The following UST variants were observed in gnomAD, a reference collection of about 807,000 sequenced individuals.
UST encodes chondroitin sulfate 2-O-sulfotransferase.
A neutral mutation model predicts 45.6 loss-of-function variants in UST; 21 were observed. The ratio of observed to expected loss-of-function variants is 0.46; its 90% CI spans 0.33 to 0.66. The LOEUF (loss-of-function observed/expected upper bound fraction) is 0.66. UST is among the 30% of genes least tolerant of loss of function. The pLI, the probability that UST is intolerant of heterozygous loss-of-function variation, is 0.02. For missense variants in UST, 463 were observed against 512.4 expected (o/e 0.90, Z 0.93); for synonymous variants, 215 against 200.6 (o/e 1.07, Z -0.61).
At chr6:148,969,141 A>G (rs1396175326) in intron 5 of UST, among the ~76,000 whole-genome samples, 1 of 152,208 alleles carries the variant, frequency 6.6e-6, no homozygotes, top group African/African-American at 2.4e-5. Context: ...AAGTATACAT[A>G]TGAAATACCA....
Position 149,006,557 on chromosome 6 carries a change from T to C in UST, c.682-12582T>C, listed in dbSNP as rs571535924. ...TTATGAATAGTGCTGCAGTGAACAT[T>C]TGCATGCATATATCTTTATAGTAAA... On this transcript the variant is annotated intron_variant, in intron 5 of 7. Coordinates refer to ENST00000367463, the MANE Select transcript of UST (RefSeq NM_005715.3). Among the ~76,000 whole-genome samples, 106 of 152,318 alleles carry C rather than the reference T, an allele frequency of 7.0e-4. 1 individual carries two copies. The highest frequency in any genetic ancestry group is 3.4e-3 in the Middle Eastern group (1 of 294).
At chr6:148,867,147 G>A (rs1162265417) in intron 1 of UST, among the ~76,000 whole-genome samples, 1 of 152,088 alleles carries the variant, frequency 6.6e-6, no homozygotes, top group African/African-American at 2.4e-5. Flanking sequence ...ACATTTGCCT[G>A]CTAGTCACAG....
rs145528331 is a variant in UST at position 148,766,702 on chromosome 6, C to T, written c.247+19025C>T. 3.0e-3 allele frequency among the ~76,000 whole-genome samples: 460 copies of T among 152,198 alleles called. 1 individual carries two copies. Among genetic ancestry groups the T allele is most frequent in the African/African-American group, 0.011 (437 of 41,536 alleles). On this transcript the variant is annotated intron_variant, in intron 1 of 7. Coordinates refer to ENST00000367463, the MANE Select transcript of UST (RefSeq NM_005715.3). Reference sequence around the variant, plus strand: ...TGATGCTAGTAGATCAGGAGGTACTCAAGACTGGCTGCATGATAGAATAAC... The same window carrying T: ...TGATGCTAGTAGATCAGGAGGTACTTAAGACTGGCTGCATGATAGAATAAC...
At chr6:148,909,282 G>GT (rs1173840339) in intron 2 of UST, among the ~76,000 whole-genome samples, 2 of 152,152 alleles carry the variant, frequency 1.3e-5, no homozygotes, top group Non-Finnish European at 2.9e-5. Flanking sequence ...GCTAAAGGAT[G>GT]TAATAGGTAG....
intron 2 of UST, among the ~76,000 whole-genome samples, chr6:148,923,787 G>T (rs1291510688): frequency 6.6e-6 from 1 of 152,130 alleles, no homozygotes; most frequent in African/African-American, 2.4e-5. Flanking sequence ...GGGGGCCTTT[G>T]TCCAGGGCAG....
At chr6:149,069,233 G>T (rs1776785726) in intron 7 of UST, among the ~76,000 whole-genome samples, 1 of 152,188 alleles carries the variant, frequency 6.6e-6, no homozygotes, top group Non-Finnish European at 1.5e-5. Context: ...TTGATATGTT[G>T]ATTTCATTTC....
chr6:149,028,688 A>G (rs1419304548), intron 7 of UST, among the ~76,000 whole-genome samples: 3 of 152,218 alleles, frequency 2.0e-5, no homozygotes, highest in African/African-American at 7.2e-5. Context: ...ATATTACTAC[A>G]GTGACATGCT....
At chr6:148,900,527 C>A (rs1779231047) in intron 2 of UST, among the ~76,000 whole-genome samples, 1 of 152,154 alleles carries the variant, frequency 6.6e-6, no homozygotes, top group Admixed American at 6.5e-5. Context: ...GTGAGATGTG[C>A]CTTTCACCTT....
chr6:148,946,134 C>T (rs1388020927), intron 3 of UST, among the ~76,000 whole-genome samples: 1 of 152,174 alleles, frequency 6.6e-6, no homozygotes, highest in Non-Finnish European at 1.5e-5. Flanking sequence ...AAAAACCCAA[C>T]TCACCTAAAA....
At position 148,944,327 on chromosome 6, in the gene UST, G is replaced by T. The variant is rs558885012; in HGVS notation, c.447+2893G>T. Among the ~76,000 whole-genome samples the T allele has an allele frequency of 2.6e-5, 4 of 152,200 alleles. No homozygotes were observed. In the South Asian group the frequency reaches 8.3e-4, roughly 32 times the overall value. ...CCTGGGACTTTATCCACCGTGTAGA[G>T]AATTTCTTTTATGAGAAAATGTGCT... On this transcript the variant is annotated intron_variant, in intron 3 of 7. Coordinates refer to ENST00000367463, the MANE Select transcript of UST (RefSeq NM_005715.3).
chr6:149,038,735 A>G (rs184301033), intron 7 of UST, among the ~76,000 whole-genome samples: 11 of 152,308 alleles, frequency 7.2e-5, no homozygotes, highest in African/African-American at 2.4e-4. Context: ...GTGAGGAGCA[A>G]ACCTTGGATT....
At chr6:148,908,141 A>G (rs938821594) in intron 2 of UST, among the ~76,000 whole-genome samples, 7 of 152,134 alleles carry the variant, frequency 4.6e-5, no homozygotes, top group African/African-American at 1.4e-4. Context: ...ACTCCTGACC[A>G]GGGTCTCATT....
chr6:148,879,338 G>A (rs1778781336), intron 1 of UST, among the ~76,000 whole-genome samples: 1 of 152,228 alleles, frequency 6.6e-6, no homozygotes, highest in Non-Finnish European at 1.5e-5. Flanking sequence ...AATGATGGAA[G>A]TGGCCTGAGA....
At chr6:149,060,055 A>C (rs897982484) in intron 7 of UST, among the ~76,000 whole-genome samples, 1 of 152,222 alleles carries the variant, frequency 6.6e-6, no homozygotes. Context: ...AAGTGTGTGC[A>C]TTAGAAACCC....
chr6:148,816,801 A>G (rs1777364055), intron 1 of UST, among the ~76,000 whole-genome samples: 1 of 152,248 alleles, frequency 6.6e-6, no homozygotes. Context: ...TTCAACAAAC[A>G]GCTGAATGTT....
chr6:149,007,584 G>C (rs1446341474), intron 5 of UST, among the ~76,000 whole-genome samples: 1 of 151,072 alleles, frequency 6.6e-6, no homozygotes, highest in Non-Finnish European at 1.5e-5. Context: ...CACCGCGCCT[G>C]GCCTTTTTTT....
intron 7 of UST, chr6:149,032,591 C>G (rs1582968364): frequency 6.5e-6 from 1 of 154,018 alleles, no homozygotes; most frequent in Non-Finnish European, 1.4e-5. Flanking sequence ...GCACCATCCT[C>G]TGCTCTTCCT....
At chr6:148,820,068 A>T (rs7761419) in intron 1 of UST, among the ~76,000 whole-genome samples, 115 of 152,326 alleles carry the variant, frequency 7.5e-4, no homozygotes, top group African/African-American at 2.7e-3. Context: ...TCCTCTAGGT[A>T]GCTAAAGGTC....
intron 5 of UST, among the ~76,000 whole-genome samples, chr6:148,977,064 C>CT (rs1209246731): frequency 1.3e-5 from 2 of 151,708 alleles, no homozygotes; most frequent in South Asian, 2.1e-4. Context: ...AATGTAGTTT[C>CT]TTTTTTTTCC....
Sources: allele counts gnomAD v4.1 joint callset (sites outside exome capture counted in the v4.1 genomes callset), GRCh38; gene constraint gnomAD v4.1.1; transcripts MANE v1.5; gene names NCBI Gene and HGNC (gene_info 2026-07-23, HGNC 2026-07-21).